The following SIPA1L2 variants were observed in gnomAD, a reference collection of about 807,000 sequenced individuals.
SIPA1L2 encodes the protein signal induced proliferation associated 1 like 2.
In SIPA1L2, 56 loss-of-function variants were observed where a neutral mutation model predicts 163.9. That is an observed-to-expected ratio of 0.34 (90% CI 0.28 to 0.43). SIPA1L2 has a LOEUF of 0.43. Ranked by LOEUF, SIPA1L2 falls within the 20% of genes least tolerant of loss-of-function variation. The pLI is 1.00. For synonymous variants in SIPA1L2, 877 were observed against 865.7 expected (o/e 1.01, Z -0.23); for missense variants, 1,974 against 2,193.5 (o/e 0.90, Z 2.00).
At chr1:232,467,513 T>C (rs567113909) in intron 8 of SIPA1L2, among the ~76,000 whole-genome samples, 1 of 152,310 alleles carries the variant, frequency 6.6e-6, no homozygotes, top group African/African-American at 2.4e-5. Context: ...GTCTTAAAGC[T>C]ACCTGTTTGG....
chr1:232,492,301 C>G (rs562261752), intron 4 of SIPA1L2, among the ~76,000 whole-genome samples: 1 of 152,272 alleles, frequency 6.6e-6, no homozygotes, highest in South Asian at 2.1e-4. Context: ...TTAAAATGAG[C>G]TAAAAGGATA....
At chr1:232,468,670 G>T (rs1664646516) in intron 8 of SIPA1L2, among the ~76,000 whole-genome samples, 1 of 152,176 alleles carries the variant, frequency 6.6e-6, no homozygotes, top group African/African-American at 2.4e-5. Context: ...ATTTTTGTCA[G>T]AAGATGTTAC....
At chr1:232,608,047 C>CAAAAAAAAA (rs56208215) in intron 1 of SIPA1L2, among the ~76,000 whole-genome samples, 1,477 of 67,470 alleles carry the variant, frequency 0.022, 151 homozygotes, top group African/African-American at 0.058. Context: ...AACTCCATCT[C>CAAAAAAAAA]AAAAAAAAAA....
chr1:232,450,522 G>A (rs1663510352), intron 10 of SIPA1L2, among the ~76,000 whole-genome samples: 1 of 152,192 alleles, frequency 6.6e-6, no homozygotes, highest in Non-Finnish European at 1.5e-5. Context: ...CCAGGCTTTG[G>A]TGTCTCACAG....
At chr1:232,617,993 A>G (rs1258839923) in intron 1 of SIPA1L2, among the ~76,000 whole-genome samples, 1 of 152,230 alleles carries the variant, frequency 6.6e-6, no homozygotes, top group Admixed American at 6.5e-5. Context: ...AGAGACATCT[A>G]TAAAGCAAAT....
At chr1:232,543,171 A>G (rs764583425) in intron 2 of SIPA1L2, among the ~76,000 whole-genome samples, 3 of 152,248 alleles carry the variant, frequency 2.0e-5, no homozygotes, top group Non-Finnish European at 4.4e-5. Flanking sequence ...AGAGACGCAC[A>G]GAGCAAAGCC....
In SIPA1L2 at chr1:232,415,579, G is replaced by C. The variant is rs143986958; in HGVS notation, c.4677C>G (p.Cys1559Trp). 3 of 1,613,916 alleles carry C rather than the reference G, an allele frequency of 1.9e-6. No homozygotes were observed. The South Asian group carries it at 3.3e-5, about 18-fold the overall frequency. ...SDGSLSDKSK[C>W]ADPGLMPLPD... ...GGAGGGGCATCAGGCCAGGATCTGC[G>C]CACTTGGACTTATCTGATAAGGACC... The change falls in exon 19 of 23, where the codon TGC (cysteine) becomes TGG (tryptophan). Residue 1559 changes from cysteine to tryptophan, a missense_variant. By Grantham distance (215) the Cys-to-Trp change is radical. Transcript: ENST00000674635.
chr1:232,600,789 C>T (rs1475936495), intron 1 of SIPA1L2, among the ~76,000 whole-genome samples: 1 of 152,126 alleles, frequency 6.6e-6, no homozygotes, highest in Non-Finnish European at 1.5e-5. Flanking sequence ...GTGGCAGTTG[C>T]TCCAGGAAAA....
At chr1:232,480,315 A>C (rs1484204682) in intron 6 of SIPA1L2, among the ~76,000 whole-genome samples, 1 of 152,150 alleles carries the variant, frequency 6.6e-6, no homozygotes, top group Non-Finnish European at 1.5e-5. Context: ...TCTTTCCCTG[A>C]ATGTAATTAA....
chr1:232,402,830 T>G (rs907299754), intron 21 of SIPA1L2: 2 of 184,120 alleles, frequency 1.1e-5, no homozygotes, highest in African/African-American at 4.7e-5. Flanking sequence ...ATTATGAAGC[T>G]CGTTACCAAT....
At chr1:232,532,692 C>CTA (rs1453646689) in intron 2 of SIPA1L2, among the ~76,000 whole-genome samples, 2 of 152,152 alleles carry the variant, frequency 1.3e-5, no homozygotes, top group East Asian at 3.9e-4. Context: ...ACTGAAATGT[C>CTA]TAGAGAGTCA....
In SIPA1L2 at chr1:232,586,114, C is replaced by T. The variant is rs142295941; in HGVS notation, c.-318-11892G>A. On this transcript the variant is annotated intron_variant, in intron 1 of 22. Transcript: ENST00000674635. ...CCTCATGAAAGCAAAGCACAAGACT[C>T]GGTTTCTCCTTGAGACCCTGTTTGT... is the stretch of plus-strand genomic sequence containing the variant. 2.9e-3 allele frequency among the ~76,000 whole-genome samples: 434 copies of T among 152,270 alleles called. 2 individuals carry two copies. Among genetic ancestry groups the T allele is most frequent in the Non-Finnish European group, 4.7e-3 (317 of 68,010 alleles).
chr1:232,404,005 T>C (rs1379537218), intron 20 of SIPA1L2, 120 bp downstream of exon 20: 7 of 1,080,994 alleles, frequency 6.5e-6, no homozygotes, highest in South Asian at 5.6e-5. Context: ...CCAGGACACA[T>C]GTCCCGCTGT....
At chr1:232,437,619 C>T (rs1662644103) in intron 15 of SIPA1L2, among the ~76,000 whole-genome samples, 1 of 152,156 alleles carries the variant, frequency 6.6e-6, no homozygotes, top group Non-Finnish European at 1.5e-5. Flanking sequence ...TGCCATTCCT[C>T]AGCTGCACAG....
intron 1 of SIPA1L2, among the ~76,000 whole-genome samples, chr1:232,629,170 C>A (rs1336963613): frequency 6.0e-5 from 9 of 150,742 alleles, no homozygotes; most frequent in Admixed American, 2.6e-4. Context: ...TTCCGAGAAG[C>A]CTCGGCTCTC....
intron 4 of SIPA1L2, among the ~76,000 whole-genome samples, chr1:232,492,466 C>T (rs1338125813): frequency 6.6e-6 from 1 of 152,180 alleles, no homozygotes; most frequent in East Asian, 1.9e-4. Context: ...TCACCCCAGC[C>T]TCCTGAGTAG....
At chr1:232,454,296 G>C (rs955784989) in intron 10 of SIPA1L2, among the ~76,000 whole-genome samples, 5 of 152,128 alleles carry the variant, frequency 3.3e-5, no homozygotes, top group Non-Finnish European at 5.9e-5. Context: ...CAATTGAAAA[G>C]GTATCGTATG....
chr1:232,622,786 A>G (rs1245250030), intron 1 of SIPA1L2, among the ~76,000 whole-genome samples: 1 of 152,242 alleles, frequency 6.6e-6, no homozygotes, highest in Non-Finnish European at 1.5e-5. Flanking sequence ...AAAGGCATAA[A>G]TGAGGTATAA....
At chr1:232,459,046 C>T (rs1233131185) in intron 10 of SIPA1L2, among the ~76,000 whole-genome samples, 2 of 152,084 alleles carry the variant, frequency 1.3e-5, no homozygotes, top group Admixed American at 1.3e-4. Flanking sequence ...GGAAACAAGG[C>T]CACAGAAAGT....
Sources: allele counts gnomAD v4.1 joint callset (sites outside exome capture counted in the v4.1 genomes callset), GRCh38; gene constraint gnomAD v4.1.1; transcripts MANE v1.5; gene names NCBI Gene and HGNC (gene_info 2026-07-23, HGNC 2026-07-21).